Variants in PTPRH observed in about 807,000 individuals in gnomAD.
The protein encoded by PTPRH is receptor-type tyrosine-protein phosphatase H.
In PTPRH, 113 loss-of-function variants were observed where a neutral mutation model predicts 130.2. The ratio of observed to expected loss-of-function variants is 0.87; its 90% CI spans 0.75 to 1.01. PTPRH has a LOEUF of 1.01. PTPRH is among the 50% of genes least tolerant of loss of function. The probability of loss-of-function intolerance (pLI) is 0.00; values close to 1 mark genes in which losing one functional copy is unlikely to be tolerated. For synonymous variants in PTPRH, 556 were observed against 577.9 expected (o/e 0.96, Z 0.54); for missense variants, 1,430 against 1,425.0 (o/e 1.00, Z -0.06).
Position 55,185,967 on chromosome 19 carries a change from G to T in PTPRH, c.2796C>A (p.Tyr932Ter), listed in dbSNP as rs1038366860. The T allele has an allele frequency of 6.2e-7, 1 of 1,613,874 alleles. No homozygotes were observed. ...MEAGRVKCEH[Y>*]WPLDSQPCTH... ...TGCAGGGCTGCGAGTCCAGAGGCCAGTAATGCTCACACTTCACCTGGGGGA... is the reference window on the plus strand; with the variant it reads ...TGCAGGGCTGCGAGTCCAGAGGCCATTAATGCTCACACTTCACCTGGGGGA... The change falls in exon 17 of 20, where the codon TAC (tyrosine) becomes TAA (stop). Residue 932 changes from tyrosine (Y) to a stop codon, truncating the protein, a stop_gained. Transcript: ENST00000376350. LOFTEE classifies it high-confidence loss of function.
intron 5 of PTPRH, among the ~76,000 whole-genome samples, chr19:55,202,530 C>T (rs996919493): frequency 5.9e-5 from 9 of 152,000 alleles, no homozygotes; most frequent in Non-Finnish European, 1.0e-4. Context: ...AGATCCACAC[C>T]GGCTTTCGAA....
Position 55,209,241 on chromosome 19 carries a change from T to C in PTPRH, c.51+142A>G. On this transcript the variant is annotated intron_variant, in intron 1 of 19. Transcript: ENST00000376350. This position sits in a 1 kb window ranked among gnomAD's most constrained non-coding sequence, Gnocchi z 4.1. ...AGGTGTAAGACTCTCCTACAGTCTC[T>C]GCCAAGCCTGAAGCCCTCTTCCTTC... The C allele has an allele frequency of 2.7e-6, 2 of 754,114 alleles. No homozygotes were observed. The highest frequency in any genetic ancestry group is 2.3e-6 in the Non-Finnish European group (1 of 432,916). 46.7% of individuals were successfully genotyped at this position (754,114 alleles called of 1,614,324 possible).
At position 55,207,261 on chromosome 19, in the gene PTPRH, G is replaced by C. The variant is rs1289266939; in HGVS notation, c.52-62C>G. On this transcript the variant is annotated intron_variant, in intron 1 of 19. Coordinates refer to ENST00000376350, the MANE Select transcript of PTPRH (RefSeq NM_002842.5). ...AACCACTCCTCCGCCCAGTGAGGCCGAGGGGCTGGGAGGAGCGGCTGGTCC... is the reference window on the plus strand; with the variant it reads ...AACCACTCCTCCGCCCAGTGAGGCCCAGGGGCTGGGAGGAGCGGCTGGTCC... The C allele has an allele frequency of 2.4e-5, 38 of 1,556,600 alleles. No homozygotes were observed. The Admixed American group carries it at 3.7e-4, about 15-fold the overall frequency.
In PTPRH at chr19:55,199,794, AAAG is replaced by A. The variant is rs1009274112; in HGVS notation, c.1420+439_1420+441del. On this transcript the variant is annotated intron_variant, in intron 7 of 19. Transcript: ENST00000376350. The stretch of plus-strand genomic sequence containing the variant: ...GAAAGAAAGAGAGAGAGACAGAAAA[AAAG>A]AAAGAAAGAAGGAAAGAAAGAGAAA... Among the ~76,000 whole-genome samples, 28 of 150,280 alleles carry A rather than the reference AAAG, an allele frequency of 1.9e-4. 1 individual carries two copies. The highest frequency in any genetic ancestry group is 4.6e-4 in the Admixed American group (7 of 15,110).
intron 12 of PTPRH, among the ~76,000 whole-genome samples, chr19:55,188,642 A>G (rs2086437638): frequency 6.6e-6 from 1 of 152,186 alleles, no homozygotes; most frequent in African/African-American, 2.4e-5. Flanking sequence ...CTTGGAGTCT[A>G]TATCCACTAC....
chr19:55,185,916 C>G lies in PTPRH; in HGVS notation c.2847G>C (p.Leu949=), dbSNP rs1228042094. 1 of 1,614,136 alleles carries G rather than the reference C, an allele frequency of 6.2e-7. No homozygotes were observed. The change falls in exon 17 of 20, where the codon CTG becomes CTC. Residue 949 remains leucine (L), a synonymous_variant. Coordinates refer to ENST00000376350, the MANE Select transcript of PTPRH (RefSeq NM_002842.5). Reference sequence around the variant, plus strand: ...AGTTCTCCATCACTTCCTCACCTACCAGGGTTACCCGCAGGTGCCCATGGG... The same window carrying G: ...AGTTCTCCATCACTTCCTCACCTACGAGGGTTACCCGCAGGTGCCCATGGG... The part of the protein sequence containing the change: ...PCTHGHLRVT[L]VGEEVMENWT...
chr19:55,182,165 G>A lies in PTPRH; in HGVS notation c.3063-14C>T. ...CCCACGCCAGCACTAGGCAGAACAAGGGAAGGGTCAGACCAAGGGGCAGGA... is the reference window on the plus strand; with the variant it reads ...CCCACGCCAGCACTAGGCAGAACAAAGGAAGGGTCAGACCAAGGGGCAGGA... On this transcript the variant is annotated splice_polypyrimidine_tract_variant and intron_variant, in intron 18 of 19. Transcript: ENST00000376350. 2 of 1,612,492 alleles carry A rather than the reference G, an allele frequency of 1.2e-6. No individual in the cohort carries two copies. Among genetic ancestry groups the A allele is most frequent in the Non-Finnish European group, 1.7e-6 (2 of 1,179,760 alleles).
At position 55,186,275 on chromosome 19, in the gene PTPRH, G is replaced by T. The variant is rs746585053; in HGVS notation, c.2728C>A (p.Gln910Lys). ...AGCATGACCAGGGTGTGGCTCTGCT[G>T]TTCCCACACCAGGCGCCAGAAGTCA... ...VGDFWRLVWE[Q>K]QSHTLVMLTN... Residue 910 changes from glutamine to lysine, a missense_variant, in exon 16 of 20, where the codon CAG (glutamine) becomes AAG (lysine). Coordinates refer to ENST00000376350, the MANE Select transcript of PTPRH (RefSeq NM_002842.5). 9 of 1,614,006 alleles carry T rather than the reference G, an allele frequency of 5.6e-6. No homozygotes were observed. The highest frequency in any genetic ancestry group is 6.8e-6 in the Non-Finnish European group (8 of 1,179,934).
chr19:55,185,884 A>G lies in PTPRH; in HGVS notation c.2879T>C (p.Val960Ala). Residue 960 changes from valine to alanine, a missense_variant, in exon 17 of 20, where the codon GTG (valine) becomes GCG (alanine). Val to Ala is a moderately conservative substitution (Grantham distance 64, BLOSUM62 0). Transcript: ENST00000376350. ...VGEEVMENWT[V>A]RELLLLQVEE... Reference sequence around the variant, plus strand: ...CACCTGGAGGAGCAGCAGTTCCCGCACCGTCCAGTTCTCCATCACTTCCTC... The same window carrying G: ...CACCTGGAGGAGCAGCAGTTCCCGCGCCGTCCAGTTCTCCATCACTTCCTC... The G allele has an allele frequency of 6.2e-7, 1 of 1,614,110 alleles. No individual in the cohort carries two copies. Among genetic ancestry groups the G allele is most frequent in the Non-Finnish European group, 8.5e-7 (1 of 1,180,024 alleles).
chr19:55,203,975 G>T lies in PTPRH; in HGVS notation c.693C>A (p.Pro231=). The T allele has an allele frequency of 6.2e-7, 1 of 1,614,100 alleles. No individual in the cohort carries two copies. ...TSSISLSWEV[P]DGTDPQNSTY... ...TCGAGTTCTGTGGGTCTGTGCCATC[G>T]GGGACCTCCCAGCTCAGGGAGATGG... The change falls in exon 5 of 20, where the codon CCC becomes CCA. Residue 231 remains proline, a synonymous_variant. Transcript: ENST00000376350.
intron 1 of PTPRH, 21 bp from the exon 2 acceptor site, chr19:55,207,220 A>G: frequency 1.2e-6 from 2 of 1,611,582 alleles, no homozygotes; most frequent in South Asian, 2.2e-5. Flanking sequence ...CCCAGAGAAA[A>G]CGGAGTCAGC....
In PTPRH at chr19:55,187,155, C is replaced by A. The variant is rs1404445443; in HGVS notation, c.2566+358G>T. On this transcript the variant is annotated intron_variant, in intron 14 of 19. Transcript: ENST00000376350. Reference sequence around the variant, plus strand: ...GGTCAGGAGATCGAGACCATCCTGGCTAACACGGTGAAACCCTGTCTCTAC... The same window carrying A: ...GGTCAGGAGATCGAGACCATCCTGGATAACACGGTGAAACCCTGTCTCTAC... Among the ~76,000 whole-genome samples the A allele has an allele frequency of 4.0e-5, 6 of 150,656 alleles. No individual in the cohort carries two copies. The East Asian group carries it at 7.8e-4, about 20-fold the overall frequency.
intron 11 of PTPRH, 52 bp from the exon 12 acceptor site, chr19:55,191,600 C>G: frequency 6.2e-7 from 1 of 1,611,802 alleles, no homozygotes; most frequent in Non-Finnish European, 8.5e-7. Context: ...CTGCAACCAG[C>G]GGTCCTCCTC....
At chr19:55,196,843 C>G in intron 9 of PTPRH, 55 bp from the exon 10 acceptor site, 1 of 1,572,410 alleles carries the variant, frequency 6.4e-7, no homozygotes, top group Non-Finnish European at 8.7e-7. Flanking sequence ...TTTCCACCCC[C>G]TCCACCCCTA....
chr19:55,198,560 C>T (rs2288519), intron 8 of PTPRH, 83 bp downstream of exon 8: 576,018 of 1,399,306 alleles, frequency 0.41, 121,484 homozygotes, highest in African/African-American at 0.54. Flanking sequence ...TACTCTTCAT[C>T]TCCCAAGGAG....
chr19:55,183,788 A>G (rs982593139), intron 18 of PTPRH, among the ~76,000 whole-genome samples: 1 of 152,030 alleles, frequency 6.6e-6, no homozygotes, highest in African/African-American at 2.4e-5. Flanking sequence ...TGCAGCCCCC[A>G]CCTCTATCTA....
At chr19:55,196,978 C>G (rs968784165) in intron 9 of PTPRH, 139 bp downstream of exon 9, 1 of 1,215,556 alleles carries the variant, frequency 8.2e-7, no homozygotes, top group African/African-American at 1.5e-5. Context: ...TCCCATGAGG[C>G]CTTGGGCTCC....
rs900672136 is a variant in PTPRH at position 55,196,872 on chromosome 19, G to A, written c.1991-84C>T. On this transcript the variant is annotated intron_variant, in intron 9 of 19. Coordinates refer to ENST00000376350, the MANE Select transcript of PTPRH (RefSeq NM_002842.5). ...ACCCCTACCCCCAGTTTTCTGAGAC[G>A]AGCCCATCCCTTCCTCGCCAAATCC... 3.9e-5 allele frequency: 58 copies of A among 1,503,294 alleles called. No homozygotes were observed. In the African/African-American group the frequency reaches 4.7e-4, roughly 12 times the overall value. 93.1% of individuals were successfully genotyped at this position (1,503,294 alleles called of 1,614,324 possible).
At position 55,200,493 on chromosome 19, in the gene PTPRH, G is replaced by T; in HGVS notation, c.1163C>A (p.Pro388Gln). 1 of 1,614,096 alleles carries T rather than the reference G, an allele frequency of 6.2e-7. No homozygotes were observed. The highest frequency in any genetic ancestry group is 8.5e-7 in the Non-Finnish European group (1 of 1,179,978). ...AGTCTCCATATGGAGGTTTCTCACT[G>T]GGTTGGGGGCTGAGAAAGTAGGAAG... ...ETRNATTAPNPVRNLHMETQT... is the reference protein window; with the variant it reads ...ETRNATTAPNQVRNLHMETQT... Residue 388 changes from proline to glutamine, a missense_variant, in exon 7 of 20, where the codon CCA becomes CAA. Coordinates refer to ENST00000376350, the MANE Select transcript of PTPRH (RefSeq NM_002842.5).
Sources: allele counts gnomAD v4.1 joint callset (sites outside exome capture counted in the v4.1 genomes callset), GRCh38; gene constraint gnomAD v4.1.1; non-coding constraint Gnocchi (gnomAD v3.1); transcripts MANE v1.5; gene names NCBI Gene and HGNC (gene_info 2026-07-23, HGNC 2026-07-21).